Variants in FGD5 observed in about 807,000 individuals in gnomAD.
The protein encoded by FGD5 is FYVE, RhoGEF and PH domain-containing protein 5.
A neutral mutation model predicts 133.4 loss-of-function variants in FGD5; 28 were observed. The observed-to-expected ratio is 0.21, with a 90% confidence interval of 0.16 to 0.29. The LOEUF (loss-of-function observed/expected upper bound fraction) is 0.29, where lower values mean the gene tolerates loss of function less well. Among genes scored for constraint, FGD5 ranks in the 10% least tolerant of loss-of-function variants. The probability of loss-of-function intolerance (pLI) is 1.00; values close to 1 mark genes in which losing one functional copy is unlikely to be tolerated. For synonymous variants in FGD5, 810 were observed against 776.5 expected, an observed-to-expected ratio of 1.04 and a Z score of -0.72; for missense variants, 1,858 against 1,895.2, an observed-to-expected ratio of 0.98 and a Z score of 0.36.
chr3:14,933,002 A>G lies in FGD5; in HGVS notation c.4353-129A>G, dbSNP rs1028469867. 17 of 1,169,390 alleles carry G rather than the reference A, an allele frequency of 1.5e-5. 1 individual carries two copies. The South Asian group carries it at 2.0e-4, about 14-fold the overall frequency. The allele number at this position is 1,169,390 out of a possible 1,614,324, so 72.4% of individuals were successfully genotyped here. On this transcript the variant is annotated intron_variant, in intron 19 of 19. Transcript: ENST00000285046. ...ATATAGAAAACATGTTTGAGAAACA[A>G]ATACAATTACGACATGGTCCTTGAC...
chr3:14,880,025 A>G (rs2037795108), intron 2 of FGD5, among the ~76,000 whole-genome samples: 1 of 152,164 alleles, frequency 6.6e-6, no homozygotes, highest in South Asian at 2.1e-4. Flanking sequence ...CATTAGCTCA[A>G]CAACCTTCAG....
intron 18 of FGD5, among the ~76,000 whole-genome samples, chr3:14,930,564 T>C (rs2038885444): frequency 6.6e-6 from 1 of 151,830 alleles, no homozygotes; most frequent in Non-Finnish European, 1.5e-5. Flanking sequence ...ACCACTGCAC[T>C]CCAGTCAGAC....
intron 2 of FGD5, among the ~76,000 whole-genome samples, chr3:14,876,518 C>CA (rs11437797): frequency 0.025 from 3,850 of 151,702 alleles, 133 homozygotes; most frequent in African/African-American, 0.087. Flanking sequence ...CACTTTTATG[C>CA]AAAAAATAAA....
At chr3:14,880,895 GCACT>G in intron 4 of FGD5, 123 bp downstream of exon 4, 1 of 1,277,560 alleles carries the variant, frequency 7.8e-7, no homozygotes, top group Admixed American at 2.0e-5. Context: ...CAGCAGGCAG[GCACT>G]CACCGACGCT....
chr3:14,932,554 A>G (rs1269479806), intron 18 of FGD5, 23 bp from the exon 19 acceptor site: 15 of 1,603,266 alleles, frequency 9.4e-6, no homozygotes, highest in African/African-American at 5.4e-5. Context: ...TTTAATGTCA[A>G]TTTTTCCTTC....
intron 18 of FGD5, among the ~76,000 whole-genome samples, chr3:14,928,238 C>CA (rs2038846617): frequency 8.5e-6 from 1 of 118,156 alleles, no homozygotes; most frequent in Admixed American, 9.8e-5. Context: ...CACACCTGGC[C>CA]AATTTTTTTA....
intron 1 of FGD5, among the ~76,000 whole-genome samples, chr3:14,861,433 TAAC>T (rs1220210524): frequency 1.3e-5 from 2 of 151,964 alleles, no homozygotes; most frequent in African/African-American, 4.8e-5. Flanking sequence ...AGAAGTAAAA[TAAC>T]AACAAAAGCA....
chr3:14,843,571 A>C (rs903670561), intron 1 of FGD5, among the ~76,000 whole-genome samples: 1 of 152,000 alleles, frequency 6.6e-6, no homozygotes, highest in Non-Finnish European at 1.5e-5. Context: ...ACTGTTGATA[A>C]GGTCACGGCC....
chr3:14,930,659 C>T (rs2038886814), intron 18 of FGD5: 1 of 152,118 alleles, frequency 6.6e-6, no homozygotes, highest in Non-Finnish European at 1.5e-5. Context: ...ATAAACTTAT[C>T]AATTTCTATG....
In FGD5 at chr3:14,821,490, C is replaced by A. The variant is rs1364196835; in HGVS notation, c.2419C>A (p.Gln807Lys). The change falls in exon 1 of 20, where the codon CAG (glutamine) becomes AAG (lysine). Residue 807 changes from glutamine (Q) to lysine (K), a missense_variant. Gln to Lys is a moderately conservative substitution (Grantham distance 53). Around this residue, in one of 3 missense-constraint regions of FGD5, gnomAD observed 1,824 missense variants for 1,848.9 expected, o/e 0.99. Coordinates refer to ENST00000285046, the MANE Select transcript of FGD5 (RefSeq NM_152536.4). ...AGAFTKLFED[Q>K]SRALSTANEN... The stretch of plus-strand genomic sequence containing the variant: ...CGCGTTCACGAAGCTGTTTGAAGAT[C>A]AGAGCAGAGCCCTGTCCACAGCAAA... 6.2e-7 allele frequency: 1 copy of A among 1,613,882 alleles called. No individual in the cohort carries two copies. The highest frequency in any genetic ancestry group is 8.5e-7 in the Non-Finnish European group (1 of 1,179,910).
At position 14,917,793 on chromosome 3, in the gene FGD5, G is replaced by T; in HGVS notation, c.3489+461G>T. Reference sequence around the variant, plus strand: ...ATCTCAGAACTCTTTCCTCTCCCCAGACTGAAACTCTGCCCACATTAAAAA... The same window carrying T: ...ATCTCAGAACTCTTTCCTCTCCCCATACTGAAACTCTGCCCACATTAAAAA... On this transcript the variant is annotated intron_variant, in intron 12 of 19. Transcript: ENST00000285046. The surrounding 1 kb of genome is among the most constrained non-coding windows in gnomAD (Gnocchi z 4.1). Among the ~76,000 whole-genome samples the T allele has an allele frequency of 6.6e-6, 1 of 152,172 alleles. No individual in the cohort carries two copies. Among genetic ancestry groups the T allele is most frequent in the South Asian group, 2.1e-4 (1 of 4,834 alleles).
At chr3:14,916,692 C>G (rs533633481) in intron 11 of FGD5, among the ~76,000 whole-genome samples, 3 of 152,342 alleles carry the variant, frequency 2.0e-5, no homozygotes, top group African/African-American at 4.8e-5. Flanking sequence ...CCTCTGTGCC[C>G]GTTTGGAGTT....
At chr3:14,895,785 T>C (rs1342495335) in intron 4 of FGD5, among the ~76,000 whole-genome samples, 1 of 152,152 alleles carries the variant, frequency 6.6e-6, no homozygotes, top group African/African-American at 2.4e-5. Flanking sequence ...CCTAGGCTGA[T>C]CTCAAACTCC....
In FGD5 at chr3:14,933,379, CTG is replaced by C; in HGVS notation, c.*216_*217del. The C allele has an allele frequency of 1.7e-6, 1 of 592,194 alleles. No individual in the cohort carries two copies. The highest frequency in any genetic ancestry group is 2.8e-5 in the Admixed American group (1 of 35,802). 36.7% of individuals were successfully genotyped at this position (592,194 alleles called of 1,614,324 possible). A position where few individuals can be genotyped will look rare whatever the true frequency, so the allele number is the denominator to read the frequency against. ...GGGATATTTATGGACCTCTCCTTTTCTGTGTTTTCCACCCCTACCCCCACCCG... is the reference window on the plus strand; with the variant it reads ...GGGATATTTATGGACCTCTCCTTTTCTGTTTTCCACCCCTACCCCCACCCG... On this transcript the variant is annotated 3_prime_UTR_variant, in exon 20 of 20. Coordinates refer to ENST00000285046, the MANE Select transcript of FGD5 (RefSeq NM_152536.4).
At chr3:14,904,836 T>C (rs760970681) in intron 9 of FGD5, among the ~76,000 whole-genome samples, 2 of 152,204 alleles carry the variant, frequency 1.3e-5, no homozygotes, top group Non-Finnish European at 2.9e-5. Context: ...ATGAGTTTTA[T>C]TTTATTTTTT....
At chr3:14,925,936 C>A in intron 17 of FGD5, 134 bp from the exon 18 acceptor site, 1 of 1,193,620 alleles carries the variant, frequency 8.4e-7, no homozygotes, top group Non-Finnish European at 1.2e-6. Flanking sequence ...CTGGATAGAT[C>A]CTGAGACCTT....
intron 1 of FGD5, among the ~76,000 whole-genome samples, chr3:14,811,789 C>T (rs1421450200): frequency 6.6e-6 from 1 of 152,176 alleles, no homozygotes; most frequent in East Asian, 1.9e-4. Context: ...CAGAAAGTTC[C>T]CTTAAGATGA....
chr3:14,892,474 C>T (rs921304903), intron 4 of FGD5, among the ~76,000 whole-genome samples: 2 of 152,180 alleles, frequency 1.3e-5, no homozygotes, highest in African/African-American at 2.4e-5. Flanking sequence ...GCTGGGATTA[C>T]AGATGTGAAC....
In FGD5 at chr3:14,918,086, A is replaced by G. The variant is rs117012056; in HGVS notation, c.3490-668A>G. 1.4e-3 allele frequency among the ~76,000 whole-genome samples: 213 copies of G among 152,330 alleles called. 3 individuals are homozygous for G. In the East Asian group the frequency reaches 0.028, roughly 20 times the overall value. On this transcript the variant is annotated intron_variant, in intron 12 of 19. Transcript: ENST00000285046. ...TTCCACCTTTAGGCTGTTGTGAGTA[A>G]TACTGCTGTGAATATGGGCATATGT... is the stretch of plus-strand genomic sequence containing the variant.
Sources: allele counts gnomAD v4.1 joint callset (sites outside exome capture counted in the v4.1 genomes callset), GRCh38; gene constraint gnomAD v4.1.1; regional missense constraint gnomAD v4.1.1; non-coding constraint Gnocchi (gnomAD v3.1); transcripts MANE v1.5; gene names NCBI Gene and HGNC (gene_info 2026-07-23, HGNC 2026-07-21).